The following SLC44A1 variants were observed in gnomAD, a reference collection of about 807,000 sequenced individuals.
SLC44A1 encodes the protein solute carrier family 44 member 1, also known as choline transporter-like protein 1.
SLC44A1 carries 26 observed loss-of-function variants against 79.3 expected under a neutral mutation model. That is an observed-to-expected ratio of 0.33 (90% CI 0.24 to 0.46). SLC44A1 has a LOEUF of 0.46. Among genes scored for constraint, SLC44A1 ranks in the 20% least tolerant of loss-of-function variants. The pLI, the probability that SLC44A1 is intolerant of heterozygous loss-of-function variation, is 1.00. For synonymous variants in SLC44A1, 263 were observed against 286.2 expected (o/e 0.92, Z 0.82); for missense variants, 688 against 798.1 (o/e 0.86, Z 1.66).
At chr9:105,409,101 T>A (rs568278327) in intron 15 of SLC44A1, among the ~76,000 whole-genome samples, 1 of 152,334 alleles carries the variant, frequency 6.6e-6, no homozygotes, top group African/African-American at 2.4e-5. Context: ...ACCAGTTTTT[T>A]AAAATGTAAA....
intron 1 of SLC44A1, among the ~76,000 whole-genome samples, chr9:105,289,782 A>G (rs1830560225): frequency 6.6e-6 from 1 of 151,246 alleles, no homozygotes; most frequent in African/African-American, 2.4e-5. Context: ...TGTATAAGTC[A>G]TTATAAGTCA....
chr9:105,355,798 C>T (rs1191553918), intron 5 of SLC44A1: 1 of 156,742 alleles, frequency 6.4e-6, no homozygotes, highest in African/African-American at 2.4e-5. Flanking sequence ...TTTTAAATCG[C>T]TTATGGCAAA....
At chr9:105,293,756 T>C (rs2131276944) in intron 1 of SLC44A1, among the ~76,000 whole-genome samples, 1 of 152,342 alleles carries the variant, frequency 6.6e-6, no homozygotes, top group South Asian at 2.1e-4. Flanking sequence ...AACTGTATCT[T>C]TATTTGCAAT....
At chr9:105,358,797 G>T (rs1827697395) in intron 7 of SLC44A1, among the ~76,000 whole-genome samples, 1 of 151,846 alleles carries the variant, frequency 6.6e-6, no homozygotes. Flanking sequence ...ATTCTTTCTT[G>T]TTTTCTCTCT....
At chr9:105,334,479 C>G (rs1474299340) in intron 3 of SLC44A1, among the ~76,000 whole-genome samples, 1 of 151,828 alleles carries the variant, frequency 6.6e-6, no homozygotes, top group Non-Finnish European at 1.5e-5. Flanking sequence ...ATTTCCTGTT[C>G]CAGATTTGAA....
intron 15 of SLC44A1, among the ~76,000 whole-genome samples, chr9:105,415,673 G>A (rs1032663970): frequency 1.3e-5 from 2 of 152,166 alleles, no homozygotes; most frequent in African/African-American, 4.8e-5. Flanking sequence ...GGCATTTAGT[G>A]TTTGCATTCT....
chr9:105,251,289 A>G (rs1322719291), intron 1 of SLC44A1, among the ~76,000 whole-genome samples: 2 of 152,128 alleles, frequency 1.3e-5, no homozygotes. Flanking sequence ...CGAGTCCTGT[A>G]GGGAACCTGC....
At chr9:105,286,584 C>G (rs1241681133) in intron 1 of SLC44A1, among the ~76,000 whole-genome samples, 1 of 152,176 alleles carries the variant, frequency 6.6e-6, no homozygotes, top group Non-Finnish European at 1.5e-5. Flanking sequence ...TTTGATTGAT[C>G]TATAATCTTT....
intron 13 of SLC44A1, among the ~76,000 whole-genome samples, chr9:105,376,314 TAC>T (rs33933201): frequency 0.62 from 86,444 of 138,920 alleles, 28,469 homozygotes; most frequent in East Asian, 0.82. Context: ...TATATATGTA[TAC>T]ACACACACAC....
At position 105,397,165 on chromosome 9, in the gene SLC44A1, T is replaced by C. The variant is rs1828892742; in HGVS notation, c.*8109T>C. The C allele has an allele frequency of 2.0e-6, 2 of 985,416 alleles. No individual in the cohort carries two copies. Among genetic ancestry groups the C allele is most frequent in the South Asian group, 9.4e-5 (2 of 21,288 alleles). 61.0% of individuals were successfully genotyped at this position (985,416 alleles called of 1,614,324 possible). On this transcript the variant is annotated 3_prime_UTR_variant, in exon 16 of 16. Coordinates refer to ENST00000374720, the MANE Select transcript of SLC44A1 (RefSeq NM_080546.5). ...GGCTTCAGAGAACAATCAGCCTATA[T>C]GAAACGGAGCTTTGAAATGTTTTTC...
At chr9:105,332,813 A>T (rs1394349715) in intron 3 of SLC44A1, among the ~76,000 whole-genome samples, 1 of 152,210 alleles carries the variant, frequency 6.6e-6, no homozygotes, top group Non-Finnish European at 1.5e-5. Flanking sequence ...TATGAAATGT[A>T]AGATGTATGG....
chr9:105,302,628 C>T (rs547614115), intron 2 of SLC44A1, among the ~76,000 whole-genome samples: 17 of 150,834 alleles, frequency 1.1e-4, no homozygotes, highest in African/African-American at 2.9e-4. Flanking sequence ...CTGGAATTAC[C>T]GGTGTGAACC....
At chr9:105,300,397 T>C (rs1228263929) in intron 2 of SLC44A1, among the ~76,000 whole-genome samples, 1 of 152,200 alleles carries the variant, frequency 6.6e-6, no homozygotes, top group African/African-American at 2.4e-5. Context: ...CCCTTCTTAC[T>C]ATACCTTTTA....
At chr9:105,355,290 G>A (rs10991639) in intron 5 of SLC44A1, among the ~76,000 whole-genome samples, 31,497 of 152,108 alleles carry the variant, frequency 0.21, 5,139 homozygotes, top group African/African-American at 0.45. Flanking sequence ...AACAAAACAG[G>A]TTAATGTCAC....
Position 105,392,021 on chromosome 9 carries a change from C to T in SLC44A1, c.*2965C>T. The stretch of plus-strand genomic sequence containing the variant: ...GCTCCTGCCTGAAGAATAAGGTCTT[C>T]CATAATATGGAAGAGAAAAGTTATA... On this transcript the variant is annotated 3_prime_UTR_variant, in exon 16 of 16. Transcript: ENST00000374720. 2.0e-6 allele frequency: 2 copies of T among 985,222 alleles called. No homozygotes were observed. Among genetic ancestry groups the T allele is most frequent in the Non-Finnish European group, 2.4e-6 (2 of 829,854 alleles). The allele number at this position is 985,222 out of a possible 1,614,324, so 61.0% of individuals were successfully genotyped here. A position where few individuals can be genotyped will look rare whatever the true frequency, so the allele number is the denominator to read the frequency against.
chr9:105,334,015 C>T (rs116380556), intron 3 of SLC44A1, among the ~76,000 whole-genome samples: 18 of 152,206 alleles, frequency 1.2e-4, no homozygotes, highest in South Asian at 6.2e-4. Context: ...CTTAGTCAGA[C>T]GCCCAGGATA....
intron 8 of SLC44A1, among the ~76,000 whole-genome samples, 182 bp from the exon 9 acceptor site, chr9:105,362,639 A>G (rs1827815754): frequency 1.3e-5 from 2 of 152,226 alleles, no homozygotes; most frequent in South Asian, 4.1e-4. Context: ...GTCACTTGGT[A>G]ACCATAATAT....
intron 3 of SLC44A1, among the ~76,000 whole-genome samples, chr9:105,321,555 A>T (rs933383552): frequency 6.6e-6 from 1 of 152,188 alleles, no homozygotes; most frequent in Non-Finnish European, 1.5e-5. Context: ...TAGAATATGT[A>T]TAGGTAGTTA....
At chr9:105,339,039 TTTC>T (rs1827009260) in intron 4 of SLC44A1, among the ~76,000 whole-genome samples, 1 of 152,176 alleles carries the variant, frequency 6.6e-6, no homozygotes, top group Non-Finnish European at 1.5e-5. Flanking sequence ...TTGGCAATAA[TTTC>T]TTGGATGGTA....
Sources: gnomAD v4.1 joint callset for allele counts (sites outside exome capture counted in the v4.1 genomes callset) on GRCh38, gnomAD v4.1.1 for gene constraint, MANE v1.5 for transcripts, NCBI Gene and HGNC (gene_info 2026-07-23, HGNC 2026-07-21) for gene names.